Variants in LGALS1 observed in about 807,000 individuals in gnomAD.
The protein encoded by LGALS1 is galectin 1, also known as galectin-1.
A neutral mutation model predicts 14.4 loss-of-function variants in LGALS1; 14 were observed. That is an observed-to-expected ratio of 0.97 (90% confidence interval 0.64 to 1.52). The LOEUF (loss-of-function observed/expected upper bound fraction) is 1.52, where lower values mean the gene tolerates loss of function less well. Ranked by LOEUF, LGALS1 falls within the 40% of genes most tolerant of loss-of-function variation. The pLI, the probability that LGALS1 is intolerant of heterozygous loss-of-function variation, is 0.00. For missense variants in LGALS1, 170 were observed against 181.4 expected (o/e 0.94, Z 0.36); for synonymous variants, 71 against 73.4 (o/e 0.97, Z 0.17).
chr22:37,676,030 C>T, intron 1 of LGALS1: 1 of 290,122 alleles, frequency 3.4e-6, no homozygotes, highest in Non-Finnish European at 6.4e-6. Flanking sequence ...ACACCCAGGC[C>T]ACTATCCCTT....
At position 37,677,069 on chromosome 22, in the gene LGALS1, A is replaced by G; in HGVS notation, c.89+4A>G. On this transcript the variant is annotated splice_donor_region_variant and intron_variant, in intron 2 of 3. Coordinates refer to ENST00000215909, the MANE Select transcript of LGALS1 (RefSeq NM_002305.4). ...AGGTGGCTCCTGACGCTAAGAGGTG[A>G]GAAGTGAAGTCGGGGTGGTGGGCGG... 6.2e-7 allele frequency: 1 copy of G among 1,613,756 alleles called. No individual in the cohort carries two copies. The highest frequency in any genetic ancestry group is 8.5e-7 in the Non-Finnish European group (1 of 1,179,816).
rs1266524893 is a variant in LGALS1, at chr22:37,678,585, G to A, written c.192G>A (p.Lys64=). 1 of 1,613,524 alleles carries A rather than the reference G, an allele frequency of 6.2e-7. No homozygotes were observed. Among genetic ancestry groups the A allele is most frequent in the Admixed American group, 1.7e-5 (1 of 60,010 alleles). Residue 64 remains lysine (K), a synonymous_variant, in exon 3 of 4, where the codon AAG becomes AAA. Transcript: ENST00000215909. ...CCAACACCATCGTGTGCAACAGCAAGGACGGCGGGGCCTGGGGGACCGAGC... is the reference window on the plus strand; with the variant it reads ...CCAACACCATCGTGTGCAACAGCAAAGACGGCGGGGCCTGGGGGACCGAGC... ...GDANTIVCNS[K]DGGAWGTEQR...
In LGALS1 at chr22:37,678,479, C is replaced by T. The variant is rs754811538; in HGVS notation, c.90-4C>T. ...TGGCCTCATGCCCACCCGTTACCCC[C>T]CAGCTTCGTGCTGAACCTGGGCAAA... On this transcript the variant is annotated splice_polypyrimidine_tract_variant and splice_region_variant and intron_variant, in intron 2 of 3. Coordinates refer to ENST00000215909, the MANE Select transcript of LGALS1 (RefSeq NM_002305.4). The T allele has an allele frequency of 1.9e-6, 3 of 1,613,332 alleles. No individual in the cohort carries two copies. Among genetic ancestry groups the T allele is most frequent in the Non-Finnish European group, 1.7e-6 (2 of 1,180,010 alleles).
chr22:37,677,065 G>C lies in LGALS1; in HGVS notation c.89G>C (p.Ser30Thr). ...VRGEVAPDAK[S>T]FVLNLGKDSN... ...GGCGAGGTGGCTCCTGACGCTAAGA[G>C]GTGAGAAGTGAAGTCGGGGTGGTGG... The change falls in exon 2 of 4, where the codon AGC (serine) becomes ACC (threonine). Residue 30 changes from serine to threonine, a missense_variant and splice_region_variant. Physicochemically the swap from Ser to Thr is moderately conservative, Grantham distance 58. Coordinates refer to ENST00000215909, the MANE Select transcript of LGALS1 (RefSeq NM_002305.4). The C allele has an allele frequency of 1.2e-6, 2 of 1,613,908 alleles. No homozygotes were observed. Among genetic ancestry groups the C allele is most frequent in the South Asian group, 2.2e-5 (2 of 91,080 alleles).
chr22:37,675,951 T>G (rs1361061959), intron 1 of LGALS1, among the ~76,000 whole-genome samples: 1 of 152,192 alleles, frequency 6.6e-6, no homozygotes, highest in Non-Finnish European at 1.5e-5. Flanking sequence ...GCACAGTTAT[T>G]TCTGCCCAGG....
At chr22:37,676,793 G>A (rs1003397857) in intron 1 of LGALS1, 193 bp from the exon 2 acceptor site, 9 of 678,838 alleles carry the variant, frequency 1.3e-5, no homozygotes, top group Admixed American at 1.1e-4. Flanking sequence ...GTGGGAATAG[G>A]GACTTTCCCA....
At chr22:37,678,406 A>T (rs1601602220) in intron 2 of LGALS1, 77 bp from the exon 3 acceptor site, 1 of 1,503,122 alleles carries the variant, frequency 6.7e-7, no homozygotes, top group East Asian at 2.3e-5. Context: ...CGTTCATGGG[A>T]TACTGAGTGA....
intron 2 of LGALS1, 28 bp downstream of exon 2, chr22:37,677,093 G>T (rs1921456774): frequency 6.2e-7 from 1 of 1,607,882 alleles, no homozygotes; most frequent in Non-Finnish European, 8.5e-7. Flanking sequence ...GGTGGTGGGC[G>T]GCAGGGACGG....
At position 37,675,711 on chromosome 22, in the gene LGALS1, T is replaced by A; in HGVS notation, c.9T>A (p.Cys3Ter). The change falls in exon 1 of 4, where the codon TGT (cysteine) becomes TGA (stop). Residue 3 changes from cysteine (C) to a stop codon, truncating the protein, a stop_gained and splice_region_variant. Transcript: ENST00000215909. LOFTEE classifies it high-confidence loss of function. MA[C>*]GLVASNLNLK... ...TCCTCCTGGACTCAATCATGGCTTG[T>A]GTGAGTGTGGGGACCCCCCCCCAAG... The A allele has an allele frequency of 6.5e-7, 1 of 1,542,520 alleles. No individual in the cohort carries two copies. Among genetic ancestry groups the A allele is most frequent in the Non-Finnish European group, 8.7e-7 (1 of 1,143,274 alleles).
chr22:37,678,093 T>C (rs568223968), intron 2 of LGALS1, among the ~76,000 whole-genome samples: 1 of 152,306 alleles, frequency 6.6e-6, no homozygotes, highest in East Asian at 1.9e-4. Context: ...GGGAGTATTA[T>C]TATTATTATT....
rs374036530 is a variant in LGALS1 at position 37,675,724 on chromosome 22, ACCC to A, written c.9+20_9+22del. The A allele has an allele frequency of 7.8e-6, 11 of 1,408,070 alleles. No homozygotes were observed. The highest frequency in any genetic ancestry group is 2.3e-4 in the Middle Eastern group (1 of 4,310). The allele number at this position is 1,408,070 out of a possible 1,614,324, so 87.2% of individuals were successfully genotyped here. ...AATCATGGCTTGTGTGAGTGTGGGG[ACCC>A]CCCCCCAAGGTCCAGGGGATAGGGC... On this transcript the variant is annotated intron_variant, in intron 1 of 3. Transcript: ENST00000215909.
chr22:37,677,100 A>T (rs1407052464), intron 2 of LGALS1, 35 bp downstream of exon 2: 1 of 1,605,792 alleles, frequency 6.2e-7, no homozygotes, highest in Non-Finnish European at 8.5e-7. Flanking sequence ...GGCGGCAGGG[A>T]CGGGCTTGGT....
chr22:37,677,233 C>T (rs562144802), intron 2 of LGALS1, 168 bp downstream of exon 2: 6 of 643,558 alleles, frequency 9.3e-6, no homozygotes, highest in East Asian at 5.6e-5. Flanking sequence ...CTGGGCGCCC[C>T]CACCGTTGCC....
intron 2 of LGALS1, chr22:37,677,409 T>C: frequency 9.8e-6 from 3 of 307,672 alleles, no homozygotes; most frequent in East Asian, 8.3e-5. Flanking sequence ...ACCGCCGCCT[T>C]CCCCCTGAGT....
chr22:37,675,744 G>T, intron 1 of LGALS1, 33 bp downstream of exon 1: 1 of 1,523,256 alleles, frequency 6.6e-7, no homozygotes, highest in South Asian at 1.2e-5. Flanking sequence ...AAGGTCCAGG[G>T]GATAGGGCAG....
In LGALS1 at chr22:37,675,730, C is replaced by CT; in HGVS notation, c.9+19_9+20insT. ...GGCTTGTGTGAGTGTGGGGACCCCC[C>CT]CCCAAGGTCCAGGGGATAGGGCAGG... On this transcript the variant is annotated intron_variant, in intron 1 of 3. Coordinates refer to ENST00000215909, the MANE Select transcript of LGALS1 (RefSeq NM_002305.4). 1.3e-6 allele frequency: 2 copies of CT among 1,539,038 alleles called. No individual in the cohort carries two copies. The highest frequency in any genetic ancestry group is 1.8e-6 in the Non-Finnish European group (2 of 1,140,774).
Position 37,678,605 on chromosome 22 carries a change from C to A in LGALS1, c.212C>A (p.Thr71Asn). 1.2e-6 allele frequency: 2 copies of A among 1,612,624 alleles called. No homozygotes were observed. Among genetic ancestry groups the A allele is most frequent in the South Asian group, 1.1e-5 (1 of 91,024 alleles). ...AGCAAGGACGGCGGGGCCTGGGGGACCGAGCAGCGGGAGGCTGTCTTTCCC... is the reference window on the plus strand; with the variant it reads ...AGCAAGGACGGCGGGGCCTGGGGGAACGAGCAGCGGGAGGCTGTCTTTCCC... ...CNSKDGGAWG[T>N]EQREAVFPFQ... Residue 71 changes from threonine (T) to asparagine (N), a missense_variant, in exon 3 of 4, where the codon ACC becomes AAC. Transcript: ENST00000215909.
rs756488159 is a variant in LGALS1, at chr22:37,675,679, G to C, written c.-24G>C. ...CTTCTGACAGCTGGTGCGCCTGCCC[G>C]GGAACATCCTCCTGGACTCAATCAT... On this transcript the variant is annotated 5_prime_UTR_variant, in exon 1 of 4. Coordinates refer to ENST00000215909, the MANE Select transcript of LGALS1 (RefSeq NM_002305.4). The C allele has an allele frequency of 2.0e-5, 31 of 1,549,634 alleles. No individual in the cohort carries two copies. In the South Asian group the frequency reaches 3.1e-4, roughly 16 times the overall value.
chr22:37,676,855 G>T (rs1481649240), intron 1 of LGALS1, 131 bp from the exon 2 acceptor site: 6 of 854,302 alleles, frequency 7.0e-6, no homozygotes, highest in South Asian at 5.7e-5. Context: ...CCTTTCCCCA[G>T]GCTTCCCCTT....
Sources: allele counts gnomAD v4.1 joint callset (sites outside exome capture counted in the v4.1 genomes callset), GRCh38; gene constraint gnomAD v4.1.1; transcripts MANE v1.5; gene names NCBI Gene and HGNC (gene_info 2026-07-23, HGNC 2026-07-21).